SPAG16: variants seen among roughly 807,000 people sequenced by gnomAD.
The protein encoded by SPAG16 is sperm-associated antigen 16 protein.
SPAG16 carries 86 observed loss-of-function variants against 80.4 expected under a neutral mutation model. The ratio of observed to expected loss-of-function variants is 1.07; its 90% confidence interval spans 0.90 to 1.28. The LOEUF (loss-of-function observed/expected upper bound fraction) is 1.28, where lower values mean the gene tolerates loss of function less well. Among genes scored for constraint, SPAG16 ranks in the 50% most tolerant of loss-of-function variants. SPAG16 has a pLI of 0.00. For synonymous variants in SPAG16, 294 were observed against 265.9 expected (o/e 1.11, Z -1.03); for missense variants, 870 against 765.3 (o/e 1.14, Z -1.61).
chr2:213,947,098 T>C (rs140247635), intron 12 of SPAG16, among the ~76,000 whole-genome samples: 1 of 152,176 alleles, frequency 6.6e-6, no homozygotes, highest in South Asian at 2.1e-4. Flanking sequence ...ATTCACTCCT[T>C]GAAGGATATC....
intron 10 of SPAG16, among the ~76,000 whole-genome samples, chr2:213,636,106 A>G (rs2062352028): frequency 6.6e-6 from 1 of 152,150 alleles, no homozygotes; most frequent in Admixed American, 6.5e-5. Flanking sequence ...TCTTTGATTC[A>G]TCTTGAGTTG....
intron 15 of SPAG16, among the ~76,000 whole-genome samples, chr2:214,227,495 A>T (rs1229777602): frequency 6.6e-6 from 1 of 151,962 alleles, no homozygotes; most frequent in Non-Finnish European, 1.5e-5. Context: ...TCCAATATGT[A>T]CTTACCCATA....
chr2:213,573,295 G>T (rs1195321705), intron 10 of SPAG16, among the ~76,000 whole-genome samples: 4 of 152,164 alleles, frequency 2.6e-5, no homozygotes, highest in African/African-American at 9.7e-5. Context: ...AATCACCTCA[G>T]ATTTCAGTTT....
At chr2:213,791,402 T>A (rs1320358837) in intron 10 of SPAG16, among the ~76,000 whole-genome samples, 1 of 152,142 alleles carries the variant, frequency 6.6e-6, no homozygotes, top group Non-Finnish European at 1.5e-5. Context: ...TAACTTCTTT[T>A]TTTATACAAA....
intron 10 of SPAG16, among the ~76,000 whole-genome samples, chr2:213,504,783 C>T (rs555195657): frequency 2.6e-5 from 4 of 152,296 alleles, no homozygotes; most frequent in African/African-American, 9.6e-5. Context: ...AAGCTCCAAG[C>T]TATAATCAAG....
intron 13 of SPAG16, among the ~76,000 whole-genome samples, chr2:214,095,307 AC>A (rs1001784803): frequency 1.1e-4 from 16 of 151,878 alleles, no homozygotes; most frequent in African/African-American, 3.6e-4. Context: ...ACACACAGAA[AC>A]CCCCCCAGAA....
At chr2:213,872,877 T>C (rs886525471) in intron 11 of SPAG16, among the ~76,000 whole-genome samples, 4 of 152,252 alleles carry the variant, frequency 2.6e-5, no homozygotes, top group African/African-American at 9.6e-5. Flanking sequence ...CAGTGTGGCC[T>C]ATTACATTGA....
At chr2:213,644,318 A>G (rs910647790) in intron 10 of SPAG16, among the ~76,000 whole-genome samples, 1 of 151,666 alleles carries the variant, frequency 6.6e-6, no homozygotes, top group Non-Finnish European at 1.5e-5. Context: ...GAAATGTCAC[A>G]TTTCTCTGTT....
At chr2:213,411,151 T>C (rs771797537) in intron 9 of SPAG16, among the ~76,000 whole-genome samples, 10 of 152,218 alleles carry the variant, frequency 6.6e-5, no homozygotes, top group Non-Finnish European at 1.0e-4. Flanking sequence ...TTAGTCCAAT[T>C]GGCTATCCCT....
intron 15 of SPAG16, among the ~76,000 whole-genome samples, chr2:214,253,850 G>T (rs1690484117): frequency 6.6e-6 from 1 of 152,080 alleles, no homozygotes; most frequent in African/African-American, 2.4e-5. Flanking sequence ...GAAAGTCAAT[G>T]GAGATTGATG....
chr2:213,453,938 T>G (rs2071850937), intron 9 of SPAG16, among the ~76,000 whole-genome samples: 2 of 152,216 alleles, frequency 1.3e-5, no homozygotes, highest in Non-Finnish European at 2.9e-5. Flanking sequence ...TGAGAGAATG[T>G]AAAATTTATT....
intron 10 of SPAG16, among the ~76,000 whole-genome samples, chr2:213,822,606 TC>T (rs1324499341): frequency 6.6e-6 from 1 of 152,138 alleles, no homozygotes; most frequent in Non-Finnish European, 1.5e-5. Flanking sequence ...ATCTCTTTTT[TC>T]CTTTATTTCT....
chr2:214,032,673 C>G (rs926184040), intron 13 of SPAG16, among the ~76,000 whole-genome samples: 3 of 151,624 alleles, frequency 2.0e-5, no homozygotes, highest in Admixed American at 6.6e-5. Flanking sequence ...GTTGTAAGGC[C>G]TTGGTAAAGA....
intron 10 of SPAG16, among the ~76,000 whole-genome samples, chr2:213,509,437 G>A (rs2125807548): frequency 6.6e-6 from 1 of 152,198 alleles, no homozygotes; most frequent in African/African-American, 2.4e-5. Context: ...CAAAAACAAG[G>A]AAGGAAAAGA....
chr2:213,872,642 A>G (rs1171410339), intron 11 of SPAG16, among the ~76,000 whole-genome samples: 1 of 152,130 alleles, frequency 6.6e-6, no homozygotes, highest in Non-Finnish European at 1.5e-5. Flanking sequence ...GAAGTGACAA[A>G]TGAAGACATC....
At chr2:213,654,538 TACAAAAAA>T (rs2063144014) in intron 10 of SPAG16, among the ~76,000 whole-genome samples, 3 of 2,698 alleles carry the variant, frequency 1.1e-3, no homozygotes, top group African/African-American at 1.7e-3. Flanking sequence ...CTACTAAAAA[TACAAAAAA>T]AAAAAAAAAA....
chr2:213,528,110 A>T (rs1034471288), intron 10 of SPAG16, among the ~76,000 whole-genome samples: 1 of 152,164 alleles, frequency 6.6e-6, no homozygotes, highest in Non-Finnish European at 1.5e-5. Flanking sequence ...CTTATATGGG[A>T]TTTTAGTTCA....
intron 10 of SPAG16, among the ~76,000 whole-genome samples, chr2:213,612,501 G>A (rs1375844213): frequency 1.3e-5 from 2 of 152,134 alleles, no homozygotes; most frequent in African/African-American, 4.8e-5. Flanking sequence ...CTTAACATGT[G>A]CAGATATAAC....
intron 10 of SPAG16, among the ~76,000 whole-genome samples, chr2:213,779,386 A>T (rs1289174948): frequency 6.6e-6 from 1 of 152,224 alleles, no homozygotes; most frequent in Non-Finnish European, 1.5e-5. Context: ...GAATTTAAAA[A>T]TTTTAAAAAA....
Sources: gnomAD v4.1 joint callset for allele counts (sites outside exome capture counted in the v4.1 genomes callset) on GRCh38, gnomAD v4.1.1 for gene constraint, MANE v1.5 for transcripts, NCBI Gene and HGNC (gene_info 2026-07-23, HGNC 2026-07-21) for gene names.